The following EHMT1 variants were observed in gnomAD, a reference collection of about 807,000 sequenced individuals.
The protein encoded by EHMT1 is euchromatic histone lysine methyltransferase 1, also known as histone-lysine N-methyltransferase EHMT1.
Under a neutral mutation model 147.2 loss-of-function variants are expected in EHMT1, and 15 were observed. That is an observed-to-expected ratio of 0.10 (90% CI 0.07 to 0.16). The LOEUF is 0.16. Among genes scored for constraint, EHMT1 ranks in the 10% least tolerant of loss-of-function variants. EHMT1 has a pLI of 1.00. For synonymous variants in EHMT1, 795 were observed against 709.6 expected, an observed-to-expected ratio of 1.12 and a Z score of -1.91; for missense variants, 1,587 against 1,772.4, an observed-to-expected ratio of 0.90 and a Z score of 1.88.
chr9:137,696,629 C>T (rs753372678), intron 1 of EHMT1, among the ~76,000 whole-genome samples: 1 of 152,082 alleles, frequency 6.6e-6, no homozygotes, highest in Admixed American at 6.6e-5. Context: ...AATAGTCTCC[C>T]CCAGGTTGTG....
intron 1 of EHMT1, among the ~76,000 whole-genome samples, chr9:137,666,386 C>G (rs1256783567): frequency 6.6e-6 from 1 of 152,198 alleles, no homozygotes; most frequent in Non-Finnish European, 1.5e-5. Context: ...TTATAAAGAG[C>G]GTGCTTGAAC....
chr9:137,782,469 C>A lies in EHMT1; in HGVS notation c.2382+72C>A. The A allele has an allele frequency of 7.1e-7, 1 of 1,403,004 alleles. No homozygotes were observed. Among genetic ancestry groups the A allele is most frequent in the South Asian group, 1.2e-5 (1 of 80,940 alleles). The allele number at this position is 1,403,004 out of a possible 1,614,324, so 86.9% of individuals were successfully genotyped here. The stretch of plus-strand genomic sequence containing the variant: ...TATTTTTACCAAAGTAAAATCATAC[C>A]ACGTTCGCGGTTCTTCCAGTGTAAG... On this transcript the variant is annotated intron_variant, in intron 15 of 26. Coordinates refer to ENST00000460843, the MANE Select transcript of EHMT1 (RefSeq NM_024757.5). This position sits in a 1 kb window ranked among gnomAD's most constrained non-coding sequence, Gnocchi z 5.7.
intron 4 of EHMT1, among the ~76,000 whole-genome samples, chr9:137,738,226 AAAAAC>A (rs1947725781): frequency 6.7e-6 from 1 of 150,222 alleles, no homozygotes; most frequent in Admixed American, 6.6e-5. Flanking sequence ...AAACAACAAA[AAAAAC>A]CCAAAAAAGG....
chr9:137,806,580 C>G (rs901301442), intron 18 of EHMT1, among the ~76,000 whole-genome samples: 1 of 151,486 alleles, frequency 6.6e-6, no homozygotes, highest in Non-Finnish European at 1.5e-5. Flanking sequence ...GGATTATAGG[C>G]GCTGGCCACC....
At chr9:137,815,195 A>G (rs72766964) in intron 22 of EHMT1, 7,909 of 165,566 alleles carry the variant, frequency 0.048, 246 homozygotes, top group South Asian at 0.11. Flanking sequence ...GAGAGTGGAC[A>G]TGGAGGGTCA....
intron 25 of EHMT1, among the ~76,000 whole-genome samples, chr9:137,824,031 A>G (rs996546169): frequency 2.3e-4 from 35 of 152,182 alleles, no homozygotes; most frequent in South Asian, 6.2e-4. Context: ...TTGAAATTCT[A>G]TTACTTTCCA....
At chr9:137,769,027 A>G (rs1007139248) in intron 10 of EHMT1, among the ~76,000 whole-genome samples, 2 of 152,132 alleles carry the variant, frequency 1.3e-5, no homozygotes, top group Admixed American at 6.5e-5. Flanking sequence ...TATGATTCCA[A>G]TTTATTTCAA....
chr9:137,761,381 T>C (rs1442566656), intron 9 of EHMT1, among the ~76,000 whole-genome samples: 1 of 152,250 alleles, frequency 6.6e-6, no homozygotes, highest in Non-Finnish European at 1.5e-5. Context: ...ACTGGCTTTG[T>C]CTGTTCAAGG....
rs368418026 is a variant in EHMT1 at position 137,743,893 on chromosome 9, G to A, written c.982-9G>A. Reference sequence around the variant, plus strand: ...CCTGCCTTGGGGTATACACCTGCCCGTGTTCTAGGGGGAGAAGGACCTGGG... The same window carrying A: ...CCTGCCTTGGGGTATACACCTGCCCATGTTCTAGGGGGAGAAGGACCTGGG... On this transcript the variant is annotated splice_polypyrimidine_tract_variant and intron_variant, in intron 5 of 26. Coordinates refer to ENST00000460843, the MANE Select transcript of EHMT1 (RefSeq NM_024757.5). The A allele has an allele frequency of 9.3e-6, 15 of 1,608,166 alleles. No homozygotes were observed. Among genetic ancestry groups the A allele is most frequent in the African/African-American group, 5.3e-5 (4 of 74,842 alleles).
intron 25 of EHMT1, among the ~76,000 whole-genome samples, chr9:137,830,846 G>C (rs553450149): frequency 1.3e-5 from 2 of 152,312 alleles, no homozygotes; most frequent in South Asian, 2.1e-4. Flanking sequence ...GAAAAGCCTT[G>C]CTTCTCTCCA....
intron 1 of EHMT1, among the ~76,000 whole-genome samples, chr9:137,656,902 G>C (rs922731519): frequency 6.6e-6 from 1 of 151,970 alleles, no homozygotes; most frequent in African/African-American, 2.4e-5. Context: ...CACCACGCCT[G>C]GGTCATTTTT....
chr9:137,639,451 C>T (rs1437281314), intron 1 of EHMT1, among the ~76,000 whole-genome samples: 1 of 152,124 alleles, frequency 6.6e-6, no homozygotes, highest in African/African-American at 2.4e-5. Flanking sequence ...TACATTTTCA[C>T]TTTCAGTTCT....
intron 3 of EHMT1, among the ~76,000 whole-genome samples, chr9:137,725,701 G>A (rs185503818): frequency 4.5e-4 from 68 of 152,236 alleles, no homozygotes; most frequent in South Asian, 1.0e-3. Flanking sequence ...AGCAAGATGC[G>A]CTCGAGAGAC....
At position 137,813,851 on chromosome 9, in the gene EHMT1, G is replaced by A. The variant is rs1954692618; in HGVS notation, c.3180+321G>A. Among the ~76,000 whole-genome samples the A allele has an allele frequency of 1.3e-5, 2 of 152,178 alleles. No homozygotes were observed. Among genetic ancestry groups the A allele is most frequent in the Admixed American group, 1.3e-4 (2 of 15,288 alleles). ...GTGGCTTCGTGCTGGGGGCACAGGC[G>A]AGAGGAGCCCTTGCGAGGCCTGCAG... On this transcript the variant is annotated intron_variant, in intron 21 of 26. Transcript: ENST00000460843. The surrounding 1 kb of genome is among the most constrained non-coding windows in gnomAD (Gnocchi z 4.9).
chr9:137,650,722 A>T (rs1937710702), intron 1 of EHMT1: 1 of 137,206 alleles, frequency 7.3e-6, no homozygotes, highest in Non-Finnish European at 1.5e-5. Context: ...GTTGGAGTGC[A>T]GTGGGGTGAT....
chr9:137,724,903 CATTCG>C (rs1205519606), intron 3 of EHMT1, among the ~76,000 whole-genome samples: 19 of 96,880 alleles, frequency 2.0e-4, no homozygotes, highest in African/African-American at 5.4e-4. Flanking sequence ...ACAGATGTGG[CATTCG>C]TTGGGCATTC....
chr9:137,775,880 A>AGG lies in EHMT1; in HGVS notation c.1791+630_1791+631dup, dbSNP rs1242491575. On this transcript the variant is annotated intron_variant, in intron 11 of 26. Coordinates refer to ENST00000460843, the MANE Select transcript of EHMT1 (RefSeq NM_024757.5). The surrounding 1 kb of genome is among the most constrained non-coding windows in gnomAD (Gnocchi z 6.1). ...CCTGTGTGGGCATCCTCGTGCATGTAGGGTGTGTGTGTGTGTGTGTCTGTG... is the reference window on the plus strand; with the variant it reads ...CCTGTGTGGGCATCCTCGTGCATGTAGGGGGTGTGTGTGTGTGTGTGTCTGTG... 4.2e-5 allele frequency among the ~76,000 whole-genome samples: 6 copies of AGG among 143,834 alleles called. No homozygotes were observed. Among genetic ancestry groups the AGG allele is most frequent in the Non-Finnish European group, 8.9e-5 (6 of 67,374 alleles). The allele number at this position is 143,834 out of a possible 152,430, so 94.4% of individuals were successfully genotyped here. A position where few individuals can be genotyped will look rare whatever the true frequency, so the allele number is the denominator to read the frequency against.
rs114678443 is a variant in EHMT1 at position 137,777,092 on chromosome 9, T to C, written c.2018+248T>C. On this transcript the variant is annotated intron_variant, in intron 12 of 26. Coordinates refer to ENST00000460843, the MANE Select transcript of EHMT1 (RefSeq NM_024757.5). ...TGAACCGGTTTTCACAGCACCCCCATTGATGTAGCTCTGTGGTGTTTCTGT... is the reference window on the plus strand; with the variant it reads ...TGAACCGGTTTTCACAGCACCCCCACTGATGTAGCTCTGTGGTGTTTCTGT... 2,180 of 480,390 alleles carry C rather than the reference T, an allele frequency of 4.5e-3. 37 individuals carry two copies. The highest frequency in any genetic ancestry group is 0.037 in the African/African-American group (1,894 of 51,174). 29.8% of individuals were successfully genotyped at this position (480,390 alleles called of 1,614,324 possible). A position where few individuals can be genotyped will look rare whatever the true frequency, so the allele number is the denominator to read the frequency against.
intron 1 of EHMT1, chr9:137,619,986 C>T (rs537352419): frequency 6.6e-6 from 1 of 152,286 alleles, no homozygotes; most frequent in Admixed American, 6.5e-5. Flanking sequence ...ACAGTTGAGA[C>T]TTCTAAAGCT....
Sources: gnomAD v4.1 joint callset for allele counts (sites outside exome capture counted in the v4.1 genomes callset) on GRCh38, gnomAD v4.1.1 for gene constraint, Gnocchi (gnomAD v3.1) non-coding constraint, MANE v1.5 for transcripts, NCBI Gene and HGNC (gene_info 2026-07-23, HGNC 2026-07-21) for gene names.